PLCB4: variants seen among roughly 807,000 people sequenced by gnomAD.
The protein encoded by PLCB4 is phospholipase C beta 4.
A neutral mutation model predicts 178.8 loss-of-function variants in PLCB4; 77 were observed. That is an observed-to-expected ratio of 0.43 (90% confidence interval 0.36 to 0.52). The LOEUF (loss-of-function observed/expected upper bound fraction) is 0.52, where lower values mean the gene tolerates loss of function less well. Among genes scored for constraint, PLCB4 ranks in the 20% least tolerant of loss-of-function variants. The probability of loss-of-function intolerance (pLI) is 0.00; values close to 1 mark genes in which losing one functional copy is unlikely to be tolerated. For missense variants in PLCB4, 1,024 were observed against 1,453.4 expected (o/e 0.70, Z 4.80); for synonymous variants, 496 against 490.8 (o/e 1.01, Z -0.14).
chr20:9,211,083 TC>T (rs1193903107), intron 2 of PLCB4, among the ~76,000 whole-genome samples: 1 of 152,216 alleles, frequency 6.6e-6, no homozygotes, highest in Non-Finnish European at 1.5e-5. Flanking sequence ...CCACCCACTT[TC>T]TTTTTTTAAC....
At chr20:9,288,780 T>C (rs893111919) in intron 3 of PLCB4, among the ~76,000 whole-genome samples, 3 of 152,042 alleles carry the variant, frequency 2.0e-5, no homozygotes, top group African/African-American at 2.4e-5. Context: ...CATAAGAACA[T>C]TGAGCTTAAA....
rs556694783 is a variant in PLCB4 at position 9,275,781 on chromosome 20, G to A, written c.-15-32019G>A. Among the ~76,000 whole-genome samples the A allele has an allele frequency of 1.1e-4, 17 of 152,134 alleles. No individual in the cohort carries two copies. In the South Asian group the frequency reaches 1.5e-3, roughly 13 times the overall value. ...GGAGTGCTTATTTTGTCCAAGTGAC[G>A]TGCCAACTCCATTACATGCATTATC... On this transcript the variant is annotated intron_variant, in intron 3 of 39. Transcript: ENST00000378473.
chr20:9,084,674 G>T (rs1283516501), intron 1 of PLCB4, among the ~76,000 whole-genome samples: 1 of 151,950 alleles, frequency 6.6e-6, no homozygotes, highest in Non-Finnish European at 1.5e-5. Flanking sequence ...CACCAATGGA[G>T]AAATAAAATA....
intron 1 of PLCB4, among the ~76,000 whole-genome samples, chr20:9,075,494 A>G (rs1004728325): frequency 6.6e-6 from 1 of 152,188 alleles, no homozygotes; most frequent in African/African-American, 2.4e-5. Flanking sequence ...CTAAACAAAT[A>G]GTTTTAGTTT....
At chr20:9,466,168 A>G (rs765000849) in intron 35 of PLCB4, among the ~76,000 whole-genome samples, 15 of 152,218 alleles carry the variant, frequency 9.9e-5, no homozygotes, top group Non-Finnish European at 8.8e-5. Flanking sequence ...AAACCTGACA[A>G]AAACAAAAAA....
At chr20:9,224,151 G>C (rs2093834342) in intron 3 of PLCB4, among the ~76,000 whole-genome samples, 1 of 152,194 alleles carries the variant, frequency 6.6e-6, no homozygotes, top group African/African-American at 2.4e-5. Context: ...AATGTGCGAA[G>C]ATAATATTGC....
At chr20:9,162,983 T>C (rs2146989680) in intron 2 of PLCB4, among the ~76,000 whole-genome samples, 1 of 152,266 alleles carries the variant, frequency 6.6e-6, no homozygotes, top group Admixed American at 6.5e-5. Flanking sequence ...TAAATATTCT[T>C]ACCATGGCCA....
At chr20:9,191,880 GT>G (rs11475371) in intron 2 of PLCB4, among the ~76,000 whole-genome samples, 13,771 of 140,392 alleles carry the variant, frequency 0.098, 1,468 homozygotes, top group African/African-American at 0.27. Context: ...CATTCTGTAT[GT>G]TTTTTTTTTT....
chr20:9,370,479 C>G (rs1054283550), intron 9 of PLCB4, among the ~76,000 whole-genome samples: 3 of 152,142 alleles, frequency 2.0e-5, no homozygotes, highest in African/African-American at 7.2e-5. Context: ...TTGTAAGGGG[C>G]CGCCTCCTTT....
chr20:9,440,515 A>G (rs550667656), intron 30 of PLCB4, among the ~76,000 whole-genome samples: 24 of 152,260 alleles, frequency 1.6e-4, no homozygotes, highest in African/African-American at 5.5e-4. Context: ...AAGTTGAACC[A>G]CTGTAAGTTG....
At chr20:9,139,235 C>T (rs1182012934) in intron 2 of PLCB4, among the ~76,000 whole-genome samples, 1 of 151,934 alleles carries the variant, frequency 6.6e-6, no homozygotes, top group Non-Finnish European at 1.5e-5. Flanking sequence ...TTTAACAAAC[C>T]ACTCCAAAAC....
At chr20:9,284,499 A>G (rs905468953) in intron 3 of PLCB4, among the ~76,000 whole-genome samples, 8 of 151,972 alleles carry the variant, frequency 5.3e-5, no homozygotes, top group African/African-American at 1.9e-4. Flanking sequence ...GAGGAGCCTT[A>G]TGAAGAAAGG....
intron 2 of PLCB4, among the ~76,000 whole-genome samples, chr20:9,215,092 A>G (rs2147261341): frequency 6.6e-6 from 1 of 152,286 alleles, no homozygotes; most frequent in African/African-American, 2.4e-5. Context: ...CTCAGGAGAC[A>G]TAAAAGAGTC....
At chr20:9,094,881 A>C (rs926485293) in intron 1 of PLCB4, among the ~76,000 whole-genome samples, 16 of 152,192 alleles carry the variant, frequency 1.1e-4, no homozygotes, top group Non-Finnish European at 1.5e-4. Context: ...TTCTTTTGTT[A>C]GCAGAGCTTA....
intron 2 of PLCB4, among the ~76,000 whole-genome samples, chr20:9,208,855 A>C (rs1397833464): frequency 1.3e-5 from 2 of 152,218 alleles, no homozygotes; most frequent in Non-Finnish European, 2.9e-5. Flanking sequence ...TTTACTTTAA[A>C]TATTAGTGTG....
chr20:9,330,040 T>C (rs774633915), intron 4 of PLCB4, among the ~76,000 whole-genome samples: 1 of 152,144 alleles, frequency 6.6e-6, no homozygotes, highest in Non-Finnish European at 1.5e-5. Context: ...AGAGGCGGTG[T>C]TTGTGCAGAA....
chr20:9,075,137 T>G (rs1040737708), intron 1 of PLCB4, among the ~76,000 whole-genome samples: 1 of 152,178 alleles, frequency 6.6e-6, no homozygotes, highest in Non-Finnish European at 1.5e-5. Context: ...GGTTAGGAGA[T>G]GTTAAATTAA....
chr20:9,303,505 T>G (rs1217923624), intron 3 of PLCB4, among the ~76,000 whole-genome samples: 2 of 152,212 alleles, frequency 1.3e-5, no homozygotes, highest in Admixed American at 1.3e-4. Context: ...TTGTCACAAA[T>G]GACAGAATTT....
intron 7 of PLCB4, among the ~76,000 whole-genome samples, chr20:9,343,357 T>G (rs182183851): frequency 4.5e-4 from 68 of 152,316 alleles, no homozygotes; most frequent in Admixed American, 7.8e-4. Context: ...TTCCTGACTT[T>G]CAGCAAGCCA....
Sources: allele counts gnomAD v4.1 joint callset (sites outside exome capture counted in the v4.1 genomes callset), GRCh38; gene constraint gnomAD v4.1.1; transcripts MANE v1.5; gene names NCBI Gene and HGNC (gene_info 2026-07-23, HGNC 2026-07-21).